The following INO80 variants were observed in gnomAD, a reference collection of about 807,000 sequenced individuals.
INO80 encodes the protein chromatin-remodeling ATPase INO80.
In INO80, 20 loss-of-function variants were observed where a neutral mutation model predicts 203.4. The observed-to-expected ratio is 0.10, with a 90% CI of 0.07 to 0.14. The LOEUF (loss-of-function observed/expected upper bound fraction) is 0.14, where lower values mean the gene tolerates loss of function less well. Among genes scored for constraint, INO80 ranks in the 10% least tolerant of loss-of-function variants. INO80 has a pLI of 1.00. For missense variants in INO80, 1,419 were observed against 1,914.4 expected (o/e 0.74, Z 4.83); for synonymous variants, 726 against 685.2 (o/e 1.06, Z -0.93).
Position 41,027,649 on chromosome 15 carries a change from G to T in INO80, c.2995C>A (p.Arg999Ser). The T allele has an allele frequency of 6.2e-7, 1 of 1,613,892 alleles. No homozygotes were observed. Among genetic ancestry groups the T allele is most frequent in the Non-Finnish European group, 8.5e-7 (1 of 1,179,858 alleles). Residue 999 changes from arginine (R) to serine (S), a missense_variant, in exon 25 of 36, where the codon CGT becomes AGT. Arg to Ser is a moderately radical substitution (Grantham distance 110). Coordinates refer to ENST00000648947, the MANE Select transcript of INO80 (RefSeq NM_017553.3). Reference protein sequence around the residue: ...HQRRSATSSLRRCLLTELPSF... With the variant: ...HQRRSATSSLSRCLLTELPSF... ...GGCAGCTCAGTGAGCAGGCAGCGAC[G>T]CAGCGAGGAGGTAGCTGATCTCCGC...
In INO80 at chr15:41,074,485, A is replaced by G; in HGVS notation, c.1212T>C (p.Asp404=). The G allele has an allele frequency of 6.2e-7, 1 of 1,613,918 alleles. No individual in the cohort carries two copies. The highest frequency in any genetic ancestry group is 8.5e-7 in the Non-Finnish European group (1 of 1,179,900). The part of the protein sequence containing the change: ...LYAHFMSRKR[D]MGHDGIQEEI... ...CTTCCTGGATACCATCATGACCCAT[A>G]TCTCGTTTGCGACTCATGAAATGGG... Residue 404 remains aspartate, a synonymous_variant, in exon 10 of 36, where the codon GAT becomes GAC. Coordinates refer to ENST00000648947, the MANE Select transcript of INO80 (RefSeq NM_017553.3).
Position 41,047,513 on chromosome 15 carries a change from A to G in INO80, c.2642-12T>C. 6.4e-7 allele frequency: 1 copy of G among 1,572,224 alleles called. No homozygotes were observed. Among genetic ancestry groups the G allele is most frequent in the Non-Finnish European group, 8.7e-7 (1 of 1,146,638 alleles). ...TTCTTCATTAATACCTGAAATATAA[A>G]AGACAATTTGAAACCCAACAGCAAA... On this transcript the variant is annotated splice_polypyrimidine_tract_variant and intron_variant, in intron 22 of 35. Coordinates refer to ENST00000648947, the MANE Select transcript of INO80 (RefSeq NM_017553.3).
chr15:41,054,036 AAAT>A (rs1404909512), intron 18 of INO80, 22 bp from the exon 19 acceptor site: 22 of 1,585,432 alleles, frequency 1.4e-5, no homozygotes, highest in Non-Finnish European at 1.8e-5. Flanking sequence ...GGAGGCCCCC[AAAT>A]AATACATTAT....
At chr15:41,008,224 T>C (rs7359221) in intron 27 of INO80, among the ~76,000 whole-genome samples, 5 of 148,816 alleles carry the variant, frequency 3.4e-5, no homozygotes, top group African/African-American at 5.0e-5. Context: ...TATATATACA[T>C]ACACACACAC....
At chr15:40,985,634 G>A (rs2043721386) in intron 31 of INO80, among the ~76,000 whole-genome samples, 1 of 152,118 alleles carries the variant, frequency 6.6e-6, no homozygotes, top group Admixed American at 6.6e-5. Context: ...GGCTGGCTCG[G>A]TGTGGTGACT....
intron 24 of INO80, among the ~76,000 whole-genome samples, chr15:41,038,746 T>G (rs2044620720): frequency 6.6e-6 from 1 of 152,216 alleles, no homozygotes; most frequent in South Asian, 2.1e-4. Flanking sequence ...TTGCTTAACA[T>G]CTGCCTTAAC....
chr15:40,984,242 G>C lies in INO80; in HGVS notation c.4032C>G (p.Asp1344Glu). ...DNSNLSADGD[D>E]SFISVDSAMP... ...TGGCTGAGTCCACGCTAATGAAGGA[G>C]TCATCTCCGTCAGCAGAGAGGTTGG... is the stretch of plus-strand genomic sequence containing the variant. The change falls in exon 33 of 36, where the codon GAC (aspartate) becomes GAG (glutamate). Residue 1344 changes from aspartate (D) to glutamate (E), a missense_variant. This residue lies in a region of INO80 where 214 missense variants were observed against 248.9 expected (regional missense o/e 0.86). Coordinates refer to ENST00000648947, the MANE Select transcript of INO80 (RefSeq NM_017553.3). 1.2e-6 allele frequency: 2 copies of C among 1,613,880 alleles called. No individual in the cohort carries two copies. The highest frequency in any genetic ancestry group is 1.1e-5 in the South Asian group (1 of 91,000).
chr15:41,073,070 C>T (rs1037335170), intron 11 of INO80, among the ~76,000 whole-genome samples: 3 of 152,024 alleles, frequency 2.0e-5, no homozygotes, highest in Non-Finnish European at 2.9e-5. Context: ...TGAGCCACCA[C>T]GCCCGGTGAG....
chr15:40,985,577 G>A (rs2043720200), intron 31 of INO80, 151 bp from the exon 32 acceptor site: 2 of 662,250 alleles, frequency 3.0e-6, no homozygotes, highest in Admixed American at 2.5e-5. Flanking sequence ...TTCTAACTTG[G>A]ATTCTCAATT....
chr15:41,031,233 C>A (rs527595658), intron 24 of INO80, among the ~76,000 whole-genome samples: 2 of 152,048 alleles, frequency 1.3e-5, no homozygotes, highest in South Asian at 4.2e-4. Context: ...ACCACACTAT[C>A]CAATTTCCCT....
At chr15:40,981,483 A>G (rs924679439) in intron 35 of INO80, among the ~76,000 whole-genome samples, 8 of 152,164 alleles carry the variant, frequency 5.3e-5, no homozygotes, top group African/African-American at 1.9e-4. Flanking sequence ...TTCCTCTATC[A>G]TACTTCATAT....
chr15:41,085,587 C>T lies in INO80; in HGVS notation c.659-4G>A, dbSNP rs370705996. 2.8e-5 allele frequency: 45 copies of T among 1,612,382 alleles called. No homozygotes were observed. The highest frequency in any genetic ancestry group is 3.7e-5 in the Non-Finnish European group (44 of 1,178,910). ...TTCTTCACTTTTTTCAACTTAGCTG[C>T]AAAAGAAACAGATGCAACAGGTTGC... On this transcript the variant is annotated splice_polypyrimidine_tract_variant and splice_region_variant and intron_variant, in intron 6 of 35. Transcript: ENST00000648947.
At chr15:41,065,378 C>T (rs935711874) in intron 14 of INO80, among the ~76,000 whole-genome samples, 2 of 149,618 alleles carry the variant, frequency 1.3e-5, no homozygotes, top group African/African-American at 2.5e-5. Flanking sequence ...GAGGTTGCAG[C>T]GAGCCAAGAT....
At chr15:41,009,586 T>C (rs533771639) in intron 27 of INO80, among the ~76,000 whole-genome samples, 7 of 152,012 alleles carry the variant, frequency 4.6e-5, no homozygotes, top group Admixed American at 1.3e-4. Flanking sequence ...GGCTGACATA[T>C]GCGTTTTGGT....
intron 35 of INO80, among the ~76,000 whole-genome samples, chr15:40,980,979 A>G (rs999463330): frequency 6.6e-6 from 1 of 152,122 alleles, no homozygotes; most frequent in Non-Finnish European, 1.5e-5. Context: ...GGCCTGTGTC[A>G]CTTCAAGGGC....
chr15:41,079,300 T>C (rs1239228240), intron 9 of INO80, among the ~76,000 whole-genome samples: 1 of 152,056 alleles, frequency 6.6e-6, no homozygotes, highest in African/African-American at 2.4e-5. Context: ...CCAAGATGAA[T>C]TAAAAGCTAC....
chr15:41,105,946 T>G (rs904678436), intron 1 of INO80, among the ~76,000 whole-genome samples: 1 of 152,112 alleles, frequency 6.6e-6, no homozygotes, highest in Non-Finnish European at 1.5e-5. Context: ...TTTCTTTTAT[T>G]GGAGAATAAT....
rs977030658 is a variant in INO80 at position 41,021,221 on chromosome 15, T to C, written c.3049-96A>G. On this transcript the variant is annotated intron_variant, in intron 25 of 35. Transcript: ENST00000648947. The stretch of plus-strand genomic sequence containing the variant: ...AACTTTGAAATCAGACTAATGTGGA[T>C]AGTTCTTAGACTAGTGGTTTTAAAT... The C allele has an allele frequency of 1.5e-5, 12 of 786,544 alleles. No homozygotes were observed. The African/African-American group carries it at 1.7e-4, about 11-fold the overall frequency. 48.7% of individuals were successfully genotyped at this position (786,544 alleles called of 1,614,324 possible). A position where few individuals can be genotyped will look rare whatever the true frequency, so the allele number is the denominator to read the frequency against.
intron 1 of INO80, among the ~76,000 whole-genome samples, chr15:41,107,003 A>G (rs538781678): frequency 2.6e-5 from 4 of 152,340 alleles, no homozygotes; most frequent in South Asian, 2.1e-4. Context: ...AACTTTATCA[A>G]TTAAAGTATA....
Sources: allele counts gnomAD v4.1 joint callset (sites outside exome capture counted in the v4.1 genomes callset), GRCh38; gene constraint gnomAD v4.1.1; regional missense constraint gnomAD v4.1.1; transcripts MANE v1.5; gene names NCBI Gene and HGNC (gene_info 2026-07-23, HGNC 2026-07-21).